Variants in RGL1 observed in about 807,000 individuals in gnomAD.
RGL1 encodes ral guanine nucleotide dissociation stimulator-like 1.
A neutral mutation model predicts 95.2 loss-of-function variants in RGL1; 24 were observed. The ratio of observed to expected loss-of-function variants is 0.25; its 90% CI spans 0.18 to 0.35. The LOEUF is 0.35. Ranked by LOEUF, RGL1 falls within the 10% of genes least tolerant of loss-of-function variation. RGL1 has a pLI of 1.00. For synonymous variants in RGL1, 329 were observed against 344.9 expected (o/e 0.95, Z 0.51); for missense variants, 715 against 936.3 (o/e 0.76, Z 3.08).
chr1:183,661,822 G>A (rs1651651681), intron 1 of RGL1, among the ~76,000 whole-genome samples: 2 of 150,928 alleles, frequency 1.3e-5, no homozygotes, highest in South Asian at 4.2e-4. Context: ...TAAAATACTG[G>A]CAAACCGAAT....
At chr1:183,638,320 T>A (rs940940997) in intron 1 of RGL1, among the ~76,000 whole-genome samples, 40 of 152,204 alleles carry the variant, frequency 2.6e-4, no homozygotes, top group Admixed American at 2.3e-3. Flanking sequence ...GCATTTAAGA[T>A]GTGAAAAATG....
chr1:183,892,039 C>G (rs770893837), intron 8 of RGL1, 38 bp from the exon 9 acceptor site: 1 of 1,522,444 alleles, frequency 6.6e-7, no homozygotes, highest in Non-Finnish European at 9.1e-7. Flanking sequence ...TTATTCCTAA[C>G]TCTTCATTGT....
chr1:183,658,494 C>T (rs947036387), intron 1 of RGL1, among the ~76,000 whole-genome samples: 9,539 of 151,894 alleles, frequency 0.063, 503 homozygotes, highest in African/African-American at 0.14. Context: ...AAGGTGGCAG[C>T]GAGGCTGGGG....
At chr1:183,784,217 C>T (rs577647980) in intron 2 of RGL1, among the ~76,000 whole-genome samples, 20 of 152,164 alleles carry the variant, frequency 1.3e-4, no homozygotes, top group African/African-American at 3.1e-4. Flanking sequence ...AAGAATATGG[C>T]GATAGATGAC....
intron 2 of RGL1, among the ~76,000 whole-genome samples, chr1:183,816,982 C>T (rs556080443): frequency 6.6e-6 from 1 of 152,306 alleles, no homozygotes; most frequent in Admixed American, 6.5e-5. Flanking sequence ...ATTCTTAAGA[C>T]AAATGCAGTG....
intron 2 of RGL1, among the ~76,000 whole-genome samples, chr1:183,792,848 T>C (rs1660502548): frequency 6.6e-6 from 1 of 152,112 alleles, no homozygotes; most frequent in Non-Finnish European, 1.5e-5. Context: ...ATTGGAAGAA[T>C]TAATATTGTT....
intron 2 of RGL1, among the ~76,000 whole-genome samples, chr1:183,759,724 G>T (rs1658553680): frequency 6.6e-6 from 1 of 152,164 alleles, no homozygotes; most frequent in South Asian, 2.1e-4. Flanking sequence ...GGCCCTTGTT[G>T]CCAGTCTCAA....
chr1:183,923,165 T>C (rs939680821), intron 17 of RGL1, among the ~76,000 whole-genome samples: 21 of 152,294 alleles, frequency 1.4e-4, no homozygotes, highest in African/African-American at 4.1e-4. Context: ...AAACTGTCCA[T>C]TGCAGCCACC....
chr1:183,730,728 C>T (rs1324121649), intron 1 of RGL1, among the ~76,000 whole-genome samples: 3 of 152,098 alleles, frequency 2.0e-5, no homozygotes, highest in East Asian at 1.9e-4. Flanking sequence ...GGCAATGAAA[C>T]AGGGAAGGAG....
intron 2 of RGL1, among the ~76,000 whole-genome samples, chr1:183,798,471 A>G (rs184030606): frequency 6.6e-6 from 1 of 152,250 alleles, no homozygotes; most frequent in East Asian, 1.9e-4. Flanking sequence ...CCACAGATAT[A>G]TCATCACCTC....
At chr1:183,751,940 A>G (rs954203794) in intron 2 of RGL1, among the ~76,000 whole-genome samples, 1 of 151,964 alleles carries the variant, frequency 6.6e-6, no homozygotes, top group Non-Finnish European at 1.5e-5. Context: ...TGCAGAACTC[A>G]CCCACCTTCT....
At chr1:183,818,588 A>AT (rs1662240209) in intron 2 of RGL1, among the ~76,000 whole-genome samples, 1 of 28,074 alleles carries the variant, frequency 3.6e-5, no homozygotes, top group Non-Finnish European at 2.5e-4. Flanking sequence ...TTATCACACT[A>AT]TTAAAAAAAA....
chr1:183,749,448 G>A (rs1056770508), intron 2 of RGL1, among the ~76,000 whole-genome samples: 1 of 151,636 alleles, frequency 6.6e-6, no homozygotes, highest in Non-Finnish European at 1.5e-5. Flanking sequence ...CAACCCCTAT[G>A]TGTGTCTTTA....
intron 2 of RGL1, among the ~76,000 whole-genome samples, chr1:183,826,388 G>C (rs1662859624): frequency 6.6e-6 from 1 of 151,968 alleles, no homozygotes; most frequent in Non-Finnish European, 1.5e-5. Flanking sequence ...CTTTTTATTT[G>C]TTCATTTGTT....
chr1:183,815,851 C>A (rs1173880349), intron 2 of RGL1, among the ~76,000 whole-genome samples: 1 of 152,100 alleles, frequency 6.6e-6, no homozygotes, highest in Non-Finnish European at 1.5e-5. Flanking sequence ...CTCGTCAGCA[C>A]CCCCACCATC....
chr1:183,692,525 G>A (rs190913729), intron 1 of RGL1, among the ~76,000 whole-genome samples: 251 of 152,334 alleles, frequency 1.6e-3, no homozygotes, highest in Non-Finnish European at 2.2e-3. Context: ...AGGTTGCCCA[G>A]TCCCAGGTTG....
At chr1:183,773,252 T>C (rs1159000535) in intron 2 of RGL1, among the ~76,000 whole-genome samples, 1 of 152,170 alleles carries the variant, frequency 6.6e-6, no homozygotes, top group Non-Finnish European at 1.5e-5. Flanking sequence ...TTTCTGCATT[T>C]CCTTTATGTA....
chr1:183,858,106 T>C (rs931064227), intron 3 of RGL1, among the ~76,000 whole-genome samples: 1 of 152,210 alleles, frequency 6.6e-6, no homozygotes, highest in Admixed American at 6.5e-5. Context: ...AGCAGGTTTT[T>C]TTTTTAAAGT....
chr1:183,847,252 C>A (rs1558245444), intron 2 of RGL1, among the ~76,000 whole-genome samples: 2 of 152,066 alleles, frequency 1.3e-5, no homozygotes, highest in Admixed American at 1.3e-4. Context: ...AGTTTGAGAC[C>A]AGTCTGGATA....
Sources: gnomAD v4.1 joint callset for allele counts (sites outside exome capture counted in the v4.1 genomes callset) on GRCh38, gnomAD v4.1.1 for gene constraint, MANE v1.5 for transcripts, NCBI Gene and HGNC (gene_info 2026-07-23, HGNC 2026-07-21) for gene names.